The following NDUFA10 variants were observed in gnomAD, a reference collection of about 807,000 sequenced individuals.
The protein encoded by NDUFA10 is NADH dehydrogenase [ubiquinone] 1 alpha subcomplex subunit 10, mitochondrial.
NDUFA10 carries 40 observed loss-of-function variants against 47.8 expected under a neutral mutation model. That is an observed-to-expected ratio of 0.84 (90% confidence interval 0.65 to 1.09). NDUFA10 has a LOEUF of 1.09. Ranked by LOEUF, NDUFA10 falls within the 50% of genes least tolerant of loss-of-function variation. The probability of loss-of-function intolerance (pLI) is 0.00; values close to 1 mark genes in which losing one functional copy is unlikely to be tolerated. For synonymous variants in NDUFA10, 183 were observed against 172.2 expected (o/e 1.06, Z -0.49); for missense variants, 413 against 451.1 (o/e 0.92, Z 0.76).
At position 239,926,236 on chromosome 2, in the gene NDUFA10, C is replaced by T. The variant is rs368416354; in HGVS notation, c.295-30922G>A. Among the ~76,000 whole-genome samples, 112 of 152,244 alleles carry T rather than the reference C, an allele frequency of 7.4e-4. 1 individual carries two copies. Among genetic ancestry groups the T allele is most frequent in the East Asian group, 5.8e-3 (30 of 5,188 alleles). On this transcript the variant is annotated intron_variant, in intron 4 of 5. Coordinates refer to the NDUFA10 transcript ENST00000419408. ...ATTCATAATTGTCAAAATCTGGAAACGATGTCAATTTCCTTCAATGGGTGA... is the reference window on the plus strand; with the variant it reads ...ATTCATAATTGTCAAAATCTGGAAATGATGTCAATTTCCTTCAATGGGTGA...
chr2:239,943,837 G>T (rs1694400501), intron 4 of NDUFA10, among the ~76,000 whole-genome samples: 2 of 152,188 alleles, frequency 1.3e-5, no homozygotes, highest in South Asian at 4.1e-4. Flanking sequence ...AGCTGGACCT[G>T]CAGTCCAAGA....
chr2:239,992,758 C>A (rs1383355534), intron 8 of NDUFA10, among the ~76,000 whole-genome samples: 1 of 152,130 alleles, frequency 6.6e-6, no homozygotes, highest in African/African-American at 2.4e-5. Context: ...ATGAACAAGA[C>A]TGAAAAATAC....
intron 5 of NDUFA10, chr2:240,012,696 A>G (rs1697188494): frequency 6.6e-6 from 1 of 152,246 alleles, no homozygotes; most frequent in Admixed American, 6.5e-5. Context: ...AAACCCTATC[A>G]TTCAAAGAAT....
chr2:240,001,844 C>T (rs921932506), intron 8 of NDUFA10, among the ~76,000 whole-genome samples: 3 of 152,190 alleles, frequency 2.0e-5, no homozygotes, highest in Non-Finnish European at 4.4e-5. Context: ...CATTCAGACA[C>T]CTCAGAGGAC....
chr2:240,017,986 C>G (rs1422412447), intron 4 of NDUFA10: 19 of 1,194,744 alleles, frequency 1.6e-5, no homozygotes, highest in Non-Finnish European at 2.1e-5. Context: ...GTCACAGACA[C>G]CCCAACCCCA....
intron 4 of NDUFA10, among the ~76,000 whole-genome samples, chr2:239,944,452 C>T (rs2106380385): frequency 6.6e-6 from 1 of 152,316 alleles, no homozygotes; most frequent in African/African-American, 2.4e-5. Context: ...CTGGCCACCT[C>T]CCCTCACAGT....
intron 9 of NDUFA10, among the ~76,000 whole-genome samples, chr2:239,983,156 G>A (rs2106431486): frequency 6.6e-6 from 1 of 152,240 alleles, no homozygotes; most frequent in East Asian, 1.9e-4. Flanking sequence ...AGGAGGGAGG[G>A]GACTACCGGA....
intron 4 of NDUFA10, among the ~76,000 whole-genome samples, chr2:240,015,192 G>A (rs1697300136): frequency 6.6e-6 from 1 of 152,230 alleles, no homozygotes; most frequent in Non-Finnish European, 1.5e-5. Context: ...CATTTAAACT[G>A]TGACCTTAAT....
Position 239,997,400 on chromosome 2 carries a change from T to C in NDUFA10, c.891-7218A>G, listed in dbSNP as rs147590777. The stretch of plus-strand genomic sequence containing the variant: ...AATATAAATTGAAGTTTAGTGTTTA[T>C]AAAATGCAAAGTAAAACAAATACTT... On this transcript the variant is annotated intron_variant, in intron 8 of 9. Transcript: ENST00000252711. Among the ~76,000 whole-genome samples the C allele has an allele frequency of 1.2e-4, 19 of 152,364 alleles. 1 individual carries two copies. In the East Asian group the frequency reaches 3.7e-3, roughly 29 times the overall value.
chr2:239,916,381 C>T (rs1164954208), intron 4 of NDUFA10, among the ~76,000 whole-genome samples: 1 of 151,822 alleles, frequency 6.6e-6, no homozygotes, highest in Non-Finnish European at 1.5e-5. Context: ...CAGATACACA[C>T]ACACATTGAC....
chr2:239,908,550 G>A (rs1232296325), intron 4 of NDUFA10, among the ~76,000 whole-genome samples: 1 of 152,180 alleles, frequency 6.6e-6, no homozygotes, highest in Non-Finnish European at 1.5e-5. Context: ...GGGGATTGAG[G>A]GCTCCCTGAC....
Position 240,011,491 on chromosome 2 carries a change from AG to A in NDUFA10, c.749+125del, listed in dbSNP as rs1313980949. 1.1e-5 allele frequency: 8 copies of A among 741,354 alleles called. No homozygotes were observed. The East Asian group carries it at 1.3e-4, about 12-fold the overall frequency. 45.9% of individuals were successfully genotyped at this position (741,354 alleles called of 1,614,324 possible). The stretch of plus-strand genomic sequence containing the variant: ...CCTGTTTTTCTTATTTATAAACATC[AG>A]ATTAAACATCTCAGACAATATCCAC... On this transcript the variant is annotated intron_variant, in intron 6 of 9. Transcript: ENST00000252711.
At chr2:239,964,239 G>C (rs913413359) in intron 9 of NDUFA10, among the ~76,000 whole-genome samples, 5 of 152,134 alleles carry the variant, frequency 3.3e-5, no homozygotes, top group African/African-American at 1.2e-4. Context: ...TATCTGGGTG[G>C]GCCCCAGGCC....
rs145617222 is a variant in NDUFA10 at position 239,966,076 on chromosome 2, C to T, written c.1000-4890G>A. On this transcript the variant is annotated intron_variant, in intron 9 of 9. Coordinates refer to ENST00000252711, the MANE Select transcript of NDUFA10 (RefSeq NM_004544.4). ...TTCCAAGTCCTCTTCCAGAGCCAAG[C>T]AGCTAAGCTGCCCTCCACCCATGAC... Among the ~76,000 whole-genome samples the T allele has an allele frequency of 3.3e-3, 509 of 152,360 alleles. 1 individual carries two copies. Among genetic ancestry groups the T allele is most frequent in the Non-Finnish European group, 5.8e-3 (393 of 68,036 alleles).
Position 240,021,186 on chromosome 2 carries a change from A to T in NDUFA10, c.460+11T>A. 6.2e-7 allele frequency: 1 copy of T among 1,611,148 alleles called. No homozygotes were observed. The highest frequency in any genetic ancestry group is 1.1e-5 in the South Asian group (1 of 90,978). ...GTACAGAACAGATCTAACTGCCCAG[A>T]AATACTGCACCTGTGGTCAGCAAGT... is the stretch of plus-strand genomic sequence containing the variant. On this transcript the variant is annotated intron_variant, in intron 3 of 9. Coordinates refer to ENST00000252711, the MANE Select transcript of NDUFA10 (RefSeq NM_004544.4).
At chr2:239,921,866 T>G (rs1252934671) in intron 4 of NDUFA10, among the ~76,000 whole-genome samples, 2 of 152,002 alleles carry the variant, frequency 1.3e-5, no homozygotes, top group African/African-American at 4.8e-5. Context: ...TCCATCCTCC[T>G]GACCCTCTTC....
At chr2:239,977,474 G>A (rs1306346737) in intron 9 of NDUFA10, among the ~76,000 whole-genome samples, 3 of 152,176 alleles carry the variant, frequency 2.0e-5, no homozygotes, top group Admixed American at 6.5e-5. Context: ...GGCCCTTCAC[G>A]CAGGTGAGAG....
chr2:239,913,347 G>A (rs953523075), intron 4 of NDUFA10, among the ~76,000 whole-genome samples: 7 of 152,216 alleles, frequency 4.6e-5, no homozygotes, highest in African/African-American at 1.4e-4. Context: ...CATCTTGTGC[G>A]GGCTCGTTGC....
chr2:239,892,634 G>A (rs1394752448), exon 6 of NDUFA10: 1 of 152,232 alleles, frequency 6.6e-6, no homozygotes, highest in Admixed American at 6.5e-5. Context: ...AAGCAGGGAA[G>A]GGAGAATGCT....
Sources: allele counts gnomAD v4.1 joint callset (sites outside exome capture counted in the v4.1 genomes callset), GRCh38; gene constraint gnomAD v4.1.1; transcripts MANE v1.5; gene names NCBI Gene and HGNC (gene_info 2026-07-23, HGNC 2026-07-21).